LACTB: variants seen among roughly 807,000 people sequenced by gnomAD.
LACTB encodes lactamase beta.
A neutral mutation model predicts 50.2 loss-of-function variants in LACTB; 35 were observed. The observed-to-expected ratio is 0.70, with a 90% confidence interval of 0.53 to 0.92. The LOEUF is 0.92. LACTB is among the 40% of genes least tolerant of loss of function. LACTB has a pLI of 0.00. For synonymous variants in LACTB, 252 were observed against 268.2 expected (o/e 0.94, Z 0.59); for missense variants, 664 against 691.8 (o/e 0.96, Z 0.45).
intron 2 of LACTB, among the ~76,000 whole-genome samples, chr15:63,123,187 T>C (rs1323587727): frequency 6.6e-6 from 1 of 152,242 alleles, no homozygotes; most frequent in Non-Finnish European, 1.5e-5. Context: ...ACGAATTGTT[T>C]ATTTCTGGAA....
At chr15:63,139,610 G>GC (rs2141078887) in intron 5 of LACTB, among the ~76,000 whole-genome samples, 1 of 151,866 alleles carries the variant, frequency 6.6e-6, no homozygotes, top group Non-Finnish European at 1.5e-5. Context: ...CCAAGATCGC[G>GC]CCATTGCACT....
chr15:63,136,592 C>T (rs2037179747), intron 5 of LACTB, among the ~76,000 whole-genome samples: 1 of 152,012 alleles, frequency 6.6e-6, no homozygotes, highest in African/African-American at 2.4e-5. Context: ...TTATTTGATA[C>T]AGTATCTATT....
chr15:63,124,095 C>T (rs1320809417), intron 2 of LACTB, among the ~76,000 whole-genome samples: 3 of 152,334 alleles, frequency 2.0e-5, no homozygotes, highest in Admixed American at 6.5e-5. Flanking sequence ...CGGGCGTCTT[C>T]CTAGATGCTG....
At chr15:63,129,896 T>C (rs111821958) in intron 5 of LACTB, 1 of 321,280 alleles carries the variant, frequency 3.1e-6, no homozygotes, top group Non-Finnish European at 5.3e-6. Context: ...AAACCAAAAT[T>C]GCACCCACCA....
Position 63,141,661 on chromosome 15 carries a change from T to C in LACTB, c.1500T>C (p.Pro500=). Reference sequence around the variant, plus strand: ...CCAGTAGTGTCCTGCTGGTCCTTCCTGAAGAACTGGATACAGAGACTATAA... The same window carrying C: ...CCAGTAGTGTCCTGCTGGTCCTTCCCGAAGAACTGGATACAGAGACTATAA... ...VGASSVLLVL[P]EELDTETINN... The change falls in exon 6 of 6, where the codon CCT becomes CCC. Residue 500 remains proline, a synonymous_variant. Transcript: ENST00000261893. 1.9e-6 allele frequency: 3 copies of C among 1,614,214 alleles called. No individual in the cohort carries two copies. Among genetic ancestry groups the C allele is most frequent in the East Asian group, 2.2e-5 (1 of 44,892 alleles).
chr15:63,133,452 C>G (rs1357180993), intron 5 of LACTB, among the ~76,000 whole-genome samples: 2 of 152,086 alleles, frequency 1.3e-5, no homozygotes, highest in Admixed American at 1.3e-4. Context: ...GAGACCCCAT[C>G]CCTACAAAAA....
intron 5 of LACTB, among the ~76,000 whole-genome samples, chr15:63,135,649 G>T (rs2037168974): frequency 6.6e-6 from 1 of 152,208 alleles, no homozygotes; most frequent in African/African-American, 2.4e-5. Context: ...AGCCCAGGAA[G>T]TTGATGCCGC....
chr15:63,138,216 C>T (rs960505408), intron 5 of LACTB, among the ~76,000 whole-genome samples: 2 of 152,158 alleles, frequency 1.3e-5, no homozygotes, highest in Admixed American at 6.6e-5. Flanking sequence ...GTGCCAGCTA[C>T]TCAGGAGGCT....
At chr15:63,123,926 G>A (rs1367747575) in intron 2 of LACTB, among the ~76,000 whole-genome samples, 1 of 152,190 alleles carries the variant, frequency 6.6e-6, no homozygotes, top group Non-Finnish European at 1.5e-5. Flanking sequence ...ATAACTGCGG[G>A]CAAGCCTGAC....
intron 2 of LACTB, among the ~76,000 whole-genome samples, chr15:63,124,101 T>TG (rs1242027189): frequency 6.6e-6 from 1 of 152,202 alleles, no homozygotes; most frequent in African/African-American, 2.4e-5. Context: ...TCTTCCTAGA[T>TG]GCTGGCGTTA....
At chr15:63,124,209 C>T (rs1369152029) in intron 2 of LACTB, among the ~76,000 whole-genome samples, 2 of 152,184 alleles carry the variant, frequency 1.3e-5, no homozygotes, top group Non-Finnish European at 2.9e-5. Flanking sequence ...CCCCTCAGCT[C>T]CTATCTCTGT....
In LACTB at chr15:63,122,087, C is replaced by G; in HGVS notation, c.216C>G (p.Pro72=). 1 of 1,462,262 alleles carries G rather than the reference C, an allele frequency of 6.8e-7. No homozygotes were observed. The highest frequency in any genetic ancestry group is 9.0e-7 in the Non-Finnish European group (1 of 1,115,722). 90.6% of individuals were successfully genotyped at this position (1,462,262 alleles called of 1,614,324 possible). ...GAAPAQSPAA[P]DPEASPLAEP... is the part of the protein sequence containing the mutation. ...CCCCGGCGCAGTCCCCCGCGGCCCC[C>G]GACCCTGAGGCGTCGCCTCTGGCCG... Residue 72 remains proline, a synonymous_variant, in exon 1 of 6, where the codon CCC becomes CCG. Transcript: ENST00000261893.
intron 5 of LACTB, among the ~76,000 whole-genome samples, chr15:63,137,088 G>A (rs1323445837): frequency 1.3e-5 from 2 of 152,168 alleles, no homozygotes; most frequent in Admixed American, 1.3e-4. Context: ...GGAGGCAAGA[G>A]AATTGTTTTT....
At chr15:63,131,945 C>T (rs181047347) in intron 5 of LACTB, among the ~76,000 whole-genome samples, 14 of 151,026 alleles carry the variant, frequency 9.3e-5, no homozygotes, top group Admixed American at 5.9e-4. Context: ...ACTCTGTCAC[C>T]GCCCCCAACA....
At chr15:63,133,875 T>A (rs1215669095) in intron 5 of LACTB, among the ~76,000 whole-genome samples, 1 of 152,242 alleles carries the variant, frequency 6.6e-6, no homozygotes, top group Non-Finnish European at 1.5e-5. Context: ...TGTTTGACTT[T>A]TTAAAGTAAT....
Position 63,126,882 on chromosome 15 carries a change from A to G in LACTB, c.448A>G (p.Asn150Asp). 1 of 1,586,866 alleles carries G rather than the reference A, an allele frequency of 6.3e-7. No individual in the cohort carries two copies. The highest frequency in any genetic ancestry group is 1.1e-5 in the South Asian group (1 of 87,674). ...AGGTTTAGGTTATGCTGATGTTGAG[A>G]ACCGTGTACCATGTAAACCAGAGAC... Reference protein sequence around the residue: ...SEGLGYADVENRVPCKPETVM... With the variant: ...SEGLGYADVEDRVPCKPETVM... Residue 150 changes from asparagine to aspartate, a missense_variant, in exon 3 of 6, where the codon AAC (asparagine) becomes GAC (aspartate). Transcript: ENST00000261893.
In LACTB at chr15:63,121,997, G is replaced by C; in HGVS notation, c.126G>C (p.Gly42=). The C allele has an allele frequency of 7.3e-7, 1 of 1,368,906 alleles. No homozygotes were observed. The highest frequency in any genetic ancestry group is 9.3e-7 in the Non-Finnish European group (1 of 1,069,676). 84.8% of individuals were successfully genotyped at this position (1,368,906 alleles called of 1,614,324 possible). A position where few individuals can be genotyped will look rare whatever the true frequency, so the allele number is the denominator to read the frequency against. Residue 42 remains glycine, a synonymous_variant, in exon 1 of 6, where the codon GGG becomes GGC. Coordinates refer to ENST00000261893, the MANE Select transcript of LACTB (RefSeq NM_032857.5). The part of the protein sequence containing the change: ...GLPPLGHGWV[G]GLGLGLGLAL... ...CGCCTCTCGGCCACGGCTGGGTCGG[G>C]GGCCTCGGGCTGGGGCTGGGGCTGG... is the stretch of plus-strand genomic sequence containing the variant.
intron 5 of LACTB, chr15:63,140,980 T>C: frequency 2.0e-6 from 2 of 983,296 alleles, no homozygotes; most frequent in Non-Finnish European, 2.4e-6. Context: ...ATGTGTAATA[T>C]TAACCAATAC....
chr15:63,124,111 A>G (rs2037016533), intron 2 of LACTB, among the ~76,000 whole-genome samples: 1 of 152,206 alleles, frequency 6.6e-6, no homozygotes, highest in South Asian at 2.1e-4. Flanking sequence ...TGCTGGCGTT[A>G]CCGCTAGACC....
Sources: allele counts gnomAD v4.1 joint callset (sites outside exome capture counted in the v4.1 genomes callset), GRCh38; gene constraint gnomAD v4.1.1; transcripts MANE v1.5; gene names NCBI Gene and HGNC (gene_info 2026-07-23, HGNC 2026-07-21).